The following TMCC3 variants were observed in gnomAD, a reference collection of about 807,000 sequenced individuals.
The protein encoded by TMCC3 is transmembrane and coiled-coil domain family 3, also known as transmembrane and coiled-coil domain protein 3.
Under a neutral mutation model 40.2 loss-of-function variants are expected in TMCC3, and 28 were observed. The ratio of observed to expected loss-of-function variants is 0.70; its 90% CI spans 0.52 to 0.95. The LOEUF (loss-of-function observed/expected upper bound fraction) is 0.95, where lower values mean the gene tolerates loss of function less well. Among genes scored for constraint, TMCC3 ranks in the 40% least tolerant of loss-of-function variants. The pLI, the probability that TMCC3 is intolerant of heterozygous loss-of-function variation, is 0.00. For missense variants in TMCC3, 554 were observed against 615.2 expected (o/e 0.90, Z 1.05); for synonymous variants, 255 against 248.5 (o/e 1.03, Z -0.25).
chr12:94,602,867 G>A (rs750797099), intron 1 of TMCC3, among the ~76,000 whole-genome samples: 1 of 152,100 alleles, frequency 6.6e-6, no homozygotes, highest in Non-Finnish European at 1.5e-5. Flanking sequence ...TAGATCACTC[G>A]GGGGACCTGG....
At chr12:94,642,536 G>C (rs565828667) in intron 1 of TMCC3, among the ~76,000 whole-genome samples, 2 of 152,328 alleles carry the variant, frequency 1.3e-5, no homozygotes, top group East Asian at 1.9e-4. Context: ...GAAGATACAG[G>C]TTTACAATCA....
rs762679845 is a variant in TMCC3 at position 94,571,409 on chromosome 12, G to C, written c.*26C>G. The C allele has an allele frequency of 6.3e-7, 1 of 1,596,906 alleles. No individual in the cohort carries two copies. The highest frequency in any genetic ancestry group is 8.5e-7 in the Non-Finnish European group (1 of 1,170,156). ...TTTTCTTTAAAATAAAAACTTGAAA[G>C]AACTTGAAGGCAGGAACCAGTGGCT... On this transcript the variant is annotated 3_prime_UTR_variant, in exon 4 of 4. Coordinates refer to ENST00000261226, the MANE Select transcript of TMCC3 (RefSeq NM_020698.4).
chr12:94,650,326 C>T, intron 1 of TMCC3, 27 bp downstream of exon 1: 2 of 1,248,168 alleles, frequency 1.6e-6, no homozygotes, highest in African/African-American at 1.6e-5. Context: ...CGCGCGCACC[C>T]GCCGCCCCCC....
chr12:94,569,393 G>A lies in TMCC3; in HGVS notation c.*2042C>T, dbSNP rs1456862817. ...TGCCTTGCACCTGGCCTCCTTATCTGTCTCCCAGACTTGAAAGATCAGTGT... is the reference window on the plus strand; with the variant it reads ...TGCCTTGCACCTGGCCTCCTTATCTATCTCCCAGACTTGAAAGATCAGTGT... On this transcript the variant is annotated 3_prime_UTR_variant, in exon 4 of 4. Coordinates refer to ENST00000261226, the MANE Select transcript of TMCC3 (RefSeq NM_020698.4). 6.6e-6 allele frequency: 1 copy of A among 152,260 alleles called. No individual in the cohort carries two copies. Among genetic ancestry groups the A allele is most frequent in the Non-Finnish European group, 1.5e-5 (1 of 68,110 alleles). 9.4% of individuals were successfully genotyped at this position (152,260 alleles called of 1,614,324 possible). A position where few individuals can be genotyped will look rare whatever the true frequency, so the allele number is the denominator to read the frequency against.
intron 1 of TMCC3, among the ~76,000 whole-genome samples, chr12:94,635,204 C>T (rs2068953602): frequency 6.6e-6 from 1 of 152,168 alleles, no homozygotes. Context: ...GACAAACCAA[C>T]TTAAATTTCC....
chr12:94,571,843 C>T, intron 3 of TMCC3, 106 bp from the exon 4 acceptor site: 3 of 1,182,352 alleles, frequency 2.5e-6, no homozygotes, highest in East Asian at 4.7e-5. Context: ...AAGCCCAATG[C>T]CCAGGCGGCT....
chr12:94,573,681 C>T (rs1336086812), intron 3 of TMCC3, among the ~76,000 whole-genome samples: 2 of 152,208 alleles, frequency 1.3e-5, no homozygotes, highest in African/African-American at 4.8e-5. Context: ...GGTCTCCTGC[C>T]TCCATTCCTC....
At chr12:94,603,473 C>A (rs1447551873) in intron 1 of TMCC3, among the ~76,000 whole-genome samples, 3 of 152,136 alleles carry the variant, frequency 2.0e-5, no homozygotes, top group African/African-American at 7.2e-5. Context: ...AAACCATATG[C>A]AACAAAAGGA....
chr12:94,631,739 G>A (rs1216912158), intron 1 of TMCC3, among the ~76,000 whole-genome samples: 1 of 152,216 alleles, frequency 6.6e-6, no homozygotes, highest in Non-Finnish European at 1.5e-5. Context: ...AGTGTTTAAT[G>A]TATAACCTTT....
At chr12:94,608,913 C>G (rs2068799126) in intron 1 of TMCC3, among the ~76,000 whole-genome samples, 1 of 152,198 alleles carries the variant, frequency 6.6e-6, no homozygotes, top group Admixed American at 6.5e-5. Flanking sequence ...CCTCATTATA[C>G]TAGTTATGTT....
At chr12:94,572,812 G>A (rs550063519) in intron 3 of TMCC3, among the ~76,000 whole-genome samples, 1 of 152,136 alleles carries the variant, frequency 6.6e-6, no homozygotes, top group Admixed American at 6.5e-5. Context: ...GGCGGAGGAA[G>A]GCGAGAGAAG....
chr12:94,603,531 T>TA (rs1275144901), intron 1 of TMCC3, among the ~76,000 whole-genome samples: 1 of 152,216 alleles, frequency 6.6e-6, no homozygotes, highest in Non-Finnish European at 1.5e-5. Flanking sequence ...ACGTGTGTAA[T>TA]ACTTAATGAA....
intron 1 of TMCC3, among the ~76,000 whole-genome samples, chr12:94,643,836 T>G (rs1251995313): frequency 6.6e-6 from 1 of 152,250 alleles, no homozygotes; most frequent in Non-Finnish European, 1.5e-5. Context: ...AATCAAGCTC[T>G]GGAGTTGAGA....
chr12:94,641,187 C>A (rs547186001), intron 1 of TMCC3, among the ~76,000 whole-genome samples: 63 of 146,200 alleles, frequency 4.3e-4, no homozygotes, highest in Admixed American at 1.2e-3. Flanking sequence ...GTGACAGACC[C>A]AGACCCTGTC....
intron 1 of TMCC3, among the ~76,000 whole-genome samples, chr12:94,629,042 C>G (rs995526725): frequency 2.0e-5 from 3 of 152,198 alleles, no homozygotes; most frequent in Non-Finnish European, 4.4e-5. Flanking sequence ...CTGTTCCTCC[C>G]TCTTCTGCAG....
intron 1 of TMCC3, among the ~76,000 whole-genome samples, chr12:94,588,196 T>TCAC (rs2068649385): frequency 6.6e-6 from 1 of 152,138 alleles, no homozygotes; most frequent in Admixed American, 6.5e-5. Flanking sequence ...TGTGCAGGAT[T>TCAC]CACGGAAGGC....
chr12:94,576,793 TA>T (rs367913270), intron 3 of TMCC3, among the ~76,000 whole-genome samples: 11 of 152,158 alleles, frequency 7.2e-5, no homozygotes, highest in African/African-American at 2.7e-4. Flanking sequence ...AATTTTTTTT[TA>T]AAGGCAATCA....
chr12:94,644,636 A>G (rs2069008462), intron 1 of TMCC3, among the ~76,000 whole-genome samples: 1 of 152,206 alleles, frequency 6.6e-6, no homozygotes, highest in African/African-American at 2.4e-5. Context: ...GACACTCACC[A>G]TTATTCATTC....
At chr12:94,609,527 C>T (rs1225013852) in intron 1 of TMCC3, among the ~76,000 whole-genome samples, 1 of 152,168 alleles carries the variant, frequency 6.6e-6, no homozygotes, top group Non-Finnish European at 1.5e-5. Flanking sequence ...TTTTTTGCAG[C>T]CCCAGAGCCT....
Sources: gnomAD v4.1 joint callset for allele counts (sites outside exome capture counted in the v4.1 genomes callset) on GRCh38, gnomAD v4.1.1 for gene constraint, MANE v1.5 for transcripts, NCBI Gene and HGNC (gene_info 2026-07-23, HGNC 2026-07-21) for gene names.